The following PCCA variants were observed in gnomAD, a reference collection of about 807,000 sequenced individuals.
PCCA encodes propionyl-CoA carboxylase subunit alpha.
In PCCA, 74 loss-of-function variants were observed where a neutral mutation model predicts 101.3. That is an observed-to-expected ratio of 0.73 (90% CI 0.61 to 0.89). PCCA has a LOEUF of 0.89. PCCA is among the 40% of genes least tolerant of loss of function. The pLI is 0.00. For synonymous variants in PCCA, 294 were observed against 313.6 expected (o/e 0.94, Z 0.66); for missense variants, 891 against 907.0 (o/e 0.98, Z 0.23).
intron 21 of PCCA, among the ~76,000 whole-genome samples, chr13:100,455,749 G>C (rs2081660266): frequency 6.6e-6 from 1 of 152,024 alleles, no homozygotes; most frequent in Non-Finnish European, 1.5e-5. Flanking sequence ...ACCCAGGCTG[G>C]TGTGCAGTAG....
At chr13:100,417,908 TC>T (rs778423271) in intron 19 of PCCA, among the ~76,000 whole-genome samples, 2 of 152,114 alleles carry the variant, frequency 1.3e-5, no homozygotes, top group Non-Finnish European at 2.9e-5. Context: ...CTCCGCTCTT[TC>T]TTGTAAGCCC....
chr13:100,277,900 G>A (rs1240219438), intron 12 of PCCA, among the ~76,000 whole-genome samples: 2 of 152,172 alleles, frequency 1.3e-5, no homozygotes, highest in African/African-American at 4.8e-5. Context: ...TCATTGTAAA[G>A]TATAACTGTC....
At chr13:100,484,525 A>G (rs1327864079) in intron 21 of PCCA, among the ~76,000 whole-genome samples, 2 of 152,220 alleles carry the variant, frequency 1.3e-5, no homozygotes, top group Non-Finnish European at 2.9e-5. Context: ...CAACACGTTC[A>G]GGATCTCTGA....
At position 100,400,815 on chromosome 13, in the gene PCCA, G is replaced by A. The variant is rs193041326; in HGVS notation, c.1747-24818G>A. 2.5e-3 allele frequency among the ~76,000 whole-genome samples: 372 copies of A among 151,610 alleles called. 4 individuals carry two copies. Among genetic ancestry groups the A allele is most frequent in the African/African-American group, 8.5e-3 (350 of 41,272 alleles). ...TAATTTGTGTATTTTTAGTAGAGACGGGGTTTCACCATGTTGGCCAGGATG... is the reference window on the plus strand; with the variant it reads ...TAATTTGTGTATTTTTAGTAGAGACAGGGTTTCACCATGTTGGCCAGGATG... On this transcript the variant is annotated intron_variant, in intron 19 of 23. Coordinates refer to ENST00000376285, the MANE Select transcript of PCCA (RefSeq NM_000282.4).
intron 21 of PCCA, among the ~76,000 whole-genome samples, chr13:100,489,345 A>T (rs1338060224): frequency 1.5e-4 from 23 of 152,208 alleles, no homozygotes; most frequent in Admixed American, 1.5e-3. Flanking sequence ...AGCCATGCTC[A>T]TTCCTGTATG....
chr13:100,167,768 A>C (rs1373932205), intron 6 of PCCA, among the ~76,000 whole-genome samples: 2 of 152,150 alleles, frequency 1.3e-5, no homozygotes, highest in Non-Finnish European at 2.9e-5. Flanking sequence ...TGAAGAGGTT[A>C]TCCCTTCCTC....
At chr13:100,332,543 TAA>T (rs983492431) in intron 17 of PCCA, among the ~76,000 whole-genome samples, 3 of 152,176 alleles carry the variant, frequency 2.0e-5, no homozygotes, top group African/African-American at 7.2e-5. Flanking sequence ...CATTTATATA[TAA>T]GTTTGTCTAT....
At chr13:100,196,491 C>T (rs1224201045) in intron 6 of PCCA, among the ~76,000 whole-genome samples, 1 of 152,086 alleles carries the variant, frequency 6.6e-6, no homozygotes, top group East Asian at 1.9e-4. Flanking sequence ...GTTCTCTTTC[C>T]CTAACTAAAT....
chr13:100,456,526 C>T (rs557570397), intron 21 of PCCA, among the ~76,000 whole-genome samples: 4 of 152,218 alleles, frequency 2.6e-5, no homozygotes, highest in East Asian at 1.9e-4. Context: ...TGGCCCCGAA[C>T]GGCTGGGCGC....
intron 2 of PCCA, among the ~76,000 whole-genome samples, chr13:100,103,943 T>A (rs1205887992): frequency 6.6e-6 from 1 of 152,214 alleles, no homozygotes; most frequent in Non-Finnish European, 1.5e-5. Flanking sequence ...GCCTATATGA[T>A]TCATTTAGAT....
chr13:100,506,522 T>G (rs942560632), intron 21 of PCCA, among the ~76,000 whole-genome samples: 6 of 152,210 alleles, frequency 3.9e-5, no homozygotes, highest in African/African-American at 1.4e-4. Context: ...TTCTGTCCCA[T>G]AAAGCCAGCA....
intron 6 of PCCA, among the ~76,000 whole-genome samples, chr13:100,167,988 A>G (rs2055228775): frequency 1.3e-5 from 2 of 152,088 alleles, no homozygotes; most frequent in South Asian, 4.2e-4. Context: ...ACTCCCATGT[A>G]TTACTAATCC....
At chr13:100,164,407 G>T (rs1359672506) in intron 6 of PCCA, among the ~76,000 whole-genome samples, 1 of 152,224 alleles carries the variant, frequency 6.6e-6, no homozygotes, top group Non-Finnish European at 1.5e-5. Context: ...GTGATAGCAG[G>T]TTGTTTCAGC....
chr13:100,147,548 T>C (rs1411185660), intron 4 of PCCA, among the ~76,000 whole-genome samples: 1 of 152,230 alleles, frequency 6.6e-6, no homozygotes, highest in Non-Finnish European at 1.5e-5. Flanking sequence ...CCCAACCCTA[T>C]TCCTAGAATT....
intron 21 of PCCA, among the ~76,000 whole-genome samples, chr13:100,494,713 A>G (rs1255155853): frequency 1.3e-5 from 2 of 151,952 alleles, no homozygotes; most frequent in Non-Finnish European, 2.9e-5. Context: ...CCTTCAACAC[A>G]TTATAACATG....
intron 7 of PCCA, among the ~76,000 whole-genome samples, chr13:100,212,776 C>T (rs1351939481): frequency 6.6e-6 from 1 of 151,968 alleles, no homozygotes; most frequent in Non-Finnish European, 1.5e-5. Context: ...TTATTGTTGA[C>T]TGTAATCACT....
chr13:100,303,069 C>T, intron 14 of PCCA, 71 bp downstream of exon 14: 1 of 868,776 alleles, frequency 1.2e-6, no homozygotes, highest in Non-Finnish European at 2.0e-6. Flanking sequence ...TATGTTAAAG[C>T]ATGTCAACAC....
intron 21 of PCCA, among the ~76,000 whole-genome samples, chr13:100,507,777 C>A (rs1309021345): frequency 6.6e-6 from 1 of 152,134 alleles, no homozygotes; most frequent in Non-Finnish European, 1.5e-5. Context: ...CTGCCTCAGC[C>A]TCCCGAGCAG....
chr13:100,132,062 T>G (rs1050358670), intron 4 of PCCA, among the ~76,000 whole-genome samples: 8 of 152,166 alleles, frequency 5.3e-5, no homozygotes, highest in African/African-American at 1.9e-4. Flanking sequence ...CTTGGTAATT[T>G]CCAGAAAGTT....
Sources: allele counts gnomAD v4.1 joint callset (sites outside exome capture counted in the v4.1 genomes callset), GRCh38; gene constraint gnomAD v4.1.1; transcripts MANE v1.5; gene names NCBI Gene and HGNC (gene_info 2026-07-23, HGNC 2026-07-21).